The following BNIP5 variants were observed in gnomAD, a reference collection of about 807,000 sequenced individuals.
The protein encoded by BNIP5 is BCL2 interacting protein 5, also known as protein BNIP5.
A neutral mutation model predicts 67.3 loss-of-function variants in BNIP5; 61 were observed. That is an observed-to-expected ratio of 0.91 (90% CI 0.74 to 1.12). The LOEUF (loss-of-function observed/expected upper bound fraction) is 1.12, where lower values mean the gene tolerates loss of function less well. Among genes scored for constraint, BNIP5 ranks in the 50% most tolerant of loss-of-function variants. BNIP5 has a pLI of 0.00. For synonymous variants in BNIP5, 317 were observed against 319.0 expected (o/e 0.99, Z 0.07); for missense variants, 826 against 816.3 (o/e 1.01, Z -0.14).
At chr6:36,332,165 C>A (rs759299679) in intron 1 of BNIP5, among the ~76,000 whole-genome samples, 2 of 152,212 alleles carry the variant, frequency 1.3e-5, no homozygotes, top group African/African-American at 4.8e-5. Flanking sequence ...CTCCACTCCA[C>A]GCACACAGCC....
chr6:36,323,765 T>A (rs940003413), intron 7 of BNIP5, among the ~76,000 whole-genome samples: 1 of 152,072 alleles, frequency 6.6e-6, no homozygotes, highest in African/African-American at 2.4e-5. Flanking sequence ...TTTGGGAGGC[T>A]GAGGCAGGTG....
At chr6:36,329,934 A>G in intron 2 of BNIP5, 147 bp downstream of exon 2, 1 of 762,604 alleles carries the variant, frequency 1.3e-6, no homozygotes, top group Admixed American at 2.6e-5. Flanking sequence ...GGGAGGGAGG[A>G]AGGGAGGGAG....
Position 36,325,382 on chromosome 6 carries a change from A to G in BNIP5, c.1069T>C (p.Ser357Pro). ...GGACCTGGAGCCCCAGCCTCTGTAGATGGGGCCTCCTGGACTTTAGGTTCT... is the reference window on the plus strand; with the variant it reads ...GGACCTGGAGCCCCAGCCTCTGTAGGTGGGGCCTCCTGGACTTTAGGTTCT... ...LEEPKVQEAP[S>P]TEAGAPGPSV... Residue 357 changes from serine (S) to proline (P), a missense_variant, in exon 6 of 12, where the codon TCT becomes CCT. Physicochemically the swap from Ser to Pro is moderately conservative, Grantham distance 74. Coordinates refer to ENST00000437635, the MANE Select transcript of BNIP5 (RefSeq NM_001010903.5). The G allele has an allele frequency of 1.2e-6, 2 of 1,613,672 alleles. No individual in the cohort carries two copies. Among genetic ancestry groups the G allele is most frequent in the Non-Finnish European group, 1.7e-6 (2 of 1,179,818 alleles).
rs573465589 is a variant in BNIP5 at position 36,330,617 on chromosome 6, G to A, written c.74C>T (p.Pro25Leu). 2.5e-6 allele frequency: 4 copies of A among 1,609,836 alleles called. No individual in the cohort carries two copies. The African/African-American group carries it at 5.3e-5, about 21-fold the overall frequency. Residue 25 changes from proline (P) to leucine (L), a missense_variant, in exon 2 of 12, where the codon CCC (proline) becomes CTC (leucine). Pro to Leu is a moderately conservative substitution (Grantham distance 98). Coordinates refer to ENST00000437635, the MANE Select transcript of BNIP5 (RefSeq NM_001010903.5). ...GTCCCACGACTCCGAGCCTTTCCCG[G>A]GGGCCTGCGGCCTGTCCAGAGACCT... ...KARSLDRPQA[P>L]GKGSESWDCH...
chr6:36,334,645 C>A (rs1056459591), intron 1 of BNIP5, among the ~76,000 whole-genome samples: 2 of 152,162 alleles, frequency 1.3e-5, no homozygotes, highest in Non-Finnish European at 2.9e-5. Context: ...CCCTGAAGAA[C>A]CTCTGCGGAT....
rs765577766 is a variant in BNIP5 at position 36,321,198 on chromosome 6, A to G, written c.1625T>C (p.Leu542Pro). 4.4e-6 allele frequency: 7 copies of G among 1,598,684 alleles called. No individual in the cohort carries two copies. Among genetic ancestry groups the G allele is most frequent in the Non-Finnish European group, 5.1e-6 (6 of 1,172,088 alleles). ...CESKEIIIQK[L>P]VALLQEVDGQ... Reference sequence around the variant, plus strand: ...ATCCACTTCTTGGAGAAGTGCCACAAGCTTCTGGATGATGATCTCCTCTAA... The same window carrying G: ...ATCCACTTCTTGGAGAAGTGCCACAGGCTTCTGGATGATGATCTCCTCTAA... Residue 542 changes from leucine (L) to proline (P), a missense_variant, in exon 10 of 12, where the codon CTT (leucine) becomes CCT (proline). Transcript: ENST00000437635.
chr6:36,323,858 G>T (rs913809991), intron 7 of BNIP5, among the ~76,000 whole-genome samples: 1 of 152,118 alleles, frequency 6.6e-6, no homozygotes, highest in Non-Finnish European at 1.5e-5. Flanking sequence ...AAATTAGCCG[G>T]GTGTGGTGGC....
chr6:36,316,902 T>C lies in BNIP5; in HGVS notation c.*454A>G. 2.5e-6 allele frequency: 1 copy of C among 404,238 alleles called. No homozygotes were observed. The highest frequency in any genetic ancestry group is 4.4e-6 in the Non-Finnish European group (1 of 229,518). 25.0% of individuals were successfully genotyped at this position (404,238 alleles called of 1,614,324 possible). On this transcript the variant is annotated 3_prime_UTR_variant, in exon 12 of 12. Coordinates refer to ENST00000437635, the MANE Select transcript of BNIP5 (RefSeq NM_001010903.5). ...CAACTGAAGAAATGATGGGATACACTTCGATGCATATCTGTTTGGATGCAT... is the reference window on the plus strand; with the variant it reads ...CAACTGAAGAAATGATGGGATACACCTCGATGCATATCTGTTTGGATGCAT...
At chr6:36,329,961 T>A (rs951448158) in intron 2 of BNIP5, 120 bp downstream of exon 2, 10 of 1,094,940 alleles carry the variant, frequency 9.1e-6, no homozygotes, top group Non-Finnish European at 1.3e-5. Context: ...AGGAAGGAAG[T>A]CACAGCGGTG....
At chr6:36,322,955 T>A (rs1771669002) in intron 8 of BNIP5, among the ~76,000 whole-genome samples, 3 of 152,236 alleles carry the variant, frequency 2.0e-5, no homozygotes, top group Admixed American at 6.5e-5. Context: ...TCAAACCCAG[T>A]TCTCTGTGCT....
chr6:36,318,229 T>C (rs866375479), intron 11 of BNIP5, among the ~76,000 whole-genome samples: 37 of 152,356 alleles, frequency 2.4e-4, no homozygotes, highest in African/African-American at 8.4e-4. Flanking sequence ...ATGTAGAAGT[T>C]CCGGTCCTGT....
Position 36,330,246 on chromosome 6 carries a change from G to A in BNIP5, c.445C>T (p.His149Tyr), listed in dbSNP as rs747552129. 6.2e-7 allele frequency: 1 copy of A among 1,614,146 alleles called. No individual in the cohort carries two copies. The highest frequency in any genetic ancestry group is 8.5e-7 in the Non-Finnish European group (1 of 1,180,028). The stretch of plus-strand genomic sequence containing the variant: ...TTGCGGCTGGGCTTCTTGTCGTGGT[G>A]GGCTTTCTTCCTGAGGGCTGGCTCC... ...AGEPALRKKAHHDKKPSRKKQ... is the reference protein window; with the variant it reads ...AGEPALRKKAYHDKKPSRKKQ... Residue 149 changes from histidine to tyrosine, a missense_variant, in exon 2 of 12, where the codon CAC becomes TAC. Physicochemically the swap from His to Tyr is moderately conservative, Grantham distance 83 (BLOSUM62 2). Coordinates refer to ENST00000437635, the MANE Select transcript of BNIP5 (RefSeq NM_001010903.5).
rs760246120 is a variant in BNIP5, at chr6:36,330,625, C to T, written c.66G>A (p.Pro22=). The T allele has an allele frequency of 2.7e-5, 44 of 1,608,450 alleles. No homozygotes were observed. Among genetic ancestry groups the T allele is most frequent in the African/African-American group, 1.6e-4 (12 of 74,928 alleles). ...ACTCCGAGCCTTTCCCGGGGGCCTGCGGCCTGTCCAGAGACCTGGCTTTCT... is the reference window on the plus strand; with the variant it reads ...ACTCCGAGCCTTTCCCGGGGGCCTGTGGCCTGTCCAGAGACCTGGCTTTCT... ...AEKKARSLDR[P]QAPGKGSESW... The change falls in exon 2 of 12, where the codon CCG becomes CCA. Residue 22 remains proline, a synonymous_variant. Coordinates refer to ENST00000437635, the MANE Select transcript of BNIP5 (RefSeq NM_001010903.5).
intron 1 of BNIP5, among the ~76,000 whole-genome samples, chr6:36,333,951 C>T (rs888148379): frequency 6.6e-6 from 1 of 152,226 alleles, no homozygotes; most frequent in Admixed American, 6.5e-5. Context: ...GCCTCTCTTC[C>T]GTCTGCACAG....
intron 7 of BNIP5, 139 bp from the exon 8 acceptor site, chr6:36,323,672 G>T: frequency 2.1e-6 from 2 of 974,650 alleles, no homozygotes; most frequent in Non-Finnish European, 1.5e-6. Context: ...GGGGAAATAT[G>T]TGTGGTCTGG....
chr6:36,317,410 C>T lies in BNIP5; in HGVS notation c.1924-19G>A, dbSNP rs1164803597. 6.2e-7 allele frequency: 1 copy of T among 1,609,880 alleles called. No homozygotes were observed. Among genetic ancestry groups the T allele is most frequent in the Non-Finnish European group, 8.5e-7 (1 of 1,176,132 alleles). On this transcript the variant is annotated intron_variant, in intron 11 of 11. Coordinates refer to ENST00000437635, the MANE Select transcript of BNIP5 (RefSeq NM_001010903.5). ...TGATGTTCTGGGAAGAGAAAAAGAA[C>T]ATAGGTGTTAGCCACAGCTCAATTA...
At chr6:36,321,095 G>C in intron 10 of BNIP5, 60 bp downstream of exon 10, 1 of 702,670 alleles carries the variant, frequency 1.4e-6, no homozygotes, top group Non-Finnish European at 2.2e-6. Context: ...CTTGGGGATG[G>C]AACCCAGGTG....
rs569783176 is a variant in BNIP5 at position 36,328,590 on chromosome 6, C to T, written c.727+8G>A. On this transcript the variant is annotated splice_region_variant and intron_variant, in intron 3 of 11. Transcript: ENST00000437635. ...CAGGCAAAAAGGTCACTAGAGATTC[C>T]GACTCACGGTCAGGCTTTTTGAGCT... is the stretch of plus-strand genomic sequence containing the variant. 2.1e-5 allele frequency: 33 copies of T among 1,584,000 alleles called. No homozygotes were observed. Among genetic ancestry groups the T allele is most frequent in the South Asian group, 9.9e-5 (9 of 90,510 alleles).
chr6:36,325,422 G>T lies in BNIP5; in HGVS notation c.1037-8C>A. The T allele has an allele frequency of 6.2e-7, 1 of 1,607,066 alleles. No individual in the cohort carries two copies. The stretch of plus-strand genomic sequence containing the variant: ...CTTTAGGTTCTTCCAAGCCTGAGAA[G>T]CAGAAGGAGAACGAGGGTGTGTTTT... On this transcript the variant is annotated splice_polypyrimidine_tract_variant and splice_region_variant and intron_variant, in intron 5 of 11. Transcript: ENST00000437635.
Sources: gnomAD v4.1 joint callset for allele counts (sites outside exome capture counted in the v4.1 genomes callset) on GRCh38, gnomAD v4.1.1 for gene constraint, MANE v1.5 for transcripts, NCBI Gene and HGNC (gene_info 2026-07-23, HGNC 2026-07-21) for gene names.